Variants in CNTN5 observed in about 807,000 individuals in gnomAD.
CNTN5 encodes the protein contactin-5.
A neutral mutation model predicts 129.1 loss-of-function variants in CNTN5; 77 were observed. The observed-to-expected ratio is 0.60, with a 90% CI of 0.50 to 0.72. CNTN5 has a LOEUF of 0.72. Among genes scored for constraint, CNTN5 ranks in the 30% least tolerant of loss-of-function variants. CNTN5 has a pLI of 0.00. For synonymous variants in CNTN5, 509 were observed against 465.6 expected, an observed-to-expected ratio of 1.09 and a Z score of -1.20; for missense variants, 1,478 against 1,328.8, an observed-to-expected ratio of 1.11 and a Z score of -1.75.
At chr11:99,928,562 C>G (rs1950116719) in intron 7 of CNTN5, among the ~76,000 whole-genome samples, 1 of 152,188 alleles carries the variant, frequency 6.6e-6, no homozygotes. Flanking sequence ...GGGGCTTGCA[C>G]CCTCCGAAGC....
intron 6 of CNTN5, among the ~76,000 whole-genome samples, chr11:99,893,889 G>C (rs570941615): frequency 1.3e-5 from 2 of 151,882 alleles, no homozygotes; most frequent in Non-Finnish European, 2.9e-5. Flanking sequence ...AAATTATCTG[G>C]CTTTGCATAG....
At chr11:99,695,275 T>TATTC (rs765112273) in intron 3 of CNTN5, among the ~76,000 whole-genome samples, 19 of 151,964 alleles carry the variant, frequency 1.3e-4, no homozygotes, top group Non-Finnish European at 2.4e-4. Context: ...AAGAAAGATA[T>TATTC]ATTCATTTCT....
At chr11:100,247,002 T>A (rs1565369575) in intron 16 of CNTN5, among the ~76,000 whole-genome samples, 2 of 152,112 alleles carry the variant, frequency 1.3e-5, no homozygotes, top group African/African-American at 4.8e-5. Context: ...AGTAAAACAG[T>A]CACACAAATA....
At chr11:99,080,528 G>T (rs1210633080) in intron 1 of CNTN5, among the ~76,000 whole-genome samples, 3 of 152,146 alleles carry the variant, frequency 2.0e-5, no homozygotes, top group Non-Finnish European at 4.4e-5. Flanking sequence ...CCTATCAGCA[G>T]AAGAGAAGGG....
At chr11:99,835,821 T>C (rs1014635630) in intron 4 of CNTN5, among the ~76,000 whole-genome samples, 1 of 152,128 alleles carries the variant, frequency 6.6e-6, no homozygotes, top group African/African-American at 2.4e-5. Context: ...GGCCTGGAAA[T>C]ACATGCTAGC....
rs140921268 is a variant in CNTN5, at chr11:100,026,317, C to G, written c.980+24181C>G. Among the ~76,000 whole-genome samples, 334 of 152,078 alleles carry G rather than the reference C, an allele frequency of 2.2e-3. 1 individual carries two copies. Among genetic ancestry groups the G allele is most frequent in the African/African-American group, 7.8e-3 (324 of 41,486 alleles). ...GATAGTAAGTTTCCTGAAACCTCCC[C>G]AGCTTTGAGTCAATTAAACCACTTT... On this transcript the variant is annotated intron_variant, in intron 9 of 24. Transcript: ENST00000524871.
chr11:99,683,233 A>C (rs1319280612), intron 3 of CNTN5, among the ~76,000 whole-genome samples: 1 of 151,806 alleles, frequency 6.6e-6, no homozygotes, highest in African/African-American at 2.4e-5. Context: ...GCAGCTCATA[A>C]AGATATTGCC....
intron 8 of CNTN5, among the ~76,000 whole-genome samples, chr11:100,000,861 C>T (rs1247194169): frequency 6.6e-6 from 1 of 152,200 alleles, no homozygotes; most frequent in Non-Finnish European, 1.5e-5. Flanking sequence ...GGGGCTTGCA[C>T]CTCTGAAGCA....
At chr11:99,248,462 T>A (rs1010479601) in intron 1 of CNTN5, among the ~76,000 whole-genome samples, 4 of 152,104 alleles carry the variant, frequency 2.6e-5, no homozygotes, top group African/African-American at 7.2e-5. Flanking sequence ...AGCTCTTTAG[T>A]TTAATTAGAT....
chr11:99,674,310 T>TA (rs59325435), intron 3 of CNTN5, among the ~76,000 whole-genome samples: 17,037 of 151,652 alleles, frequency 0.11, 1,157 homozygotes, highest in East Asian at 0.3. Flanking sequence ...GGTTTTTTTT[T>TA]CTTGTAAACA....
intron 2 of CNTN5, among the ~76,000 whole-genome samples, chr11:99,479,335 C>G (rs1379069938): frequency 6.6e-6 from 1 of 151,362 alleles, no homozygotes; most frequent in South Asian, 2.1e-4. Context: ...AATTTTACTG[C>G]TATCCATTTA....
chr11:100,234,917 TTGCAATTGCCCCAATTC>T (rs1178578972), intron 16 of CNTN5, among the ~76,000 whole-genome samples: 1 of 152,086 alleles, frequency 6.6e-6, no homozygotes, highest in Non-Finnish European at 1.5e-5. Flanking sequence ...TTTAAATTTT[TTGCAATTGCCCCAATTC>T]TGGGGCAAAA....
intron 1 of CNTN5, among the ~76,000 whole-genome samples, chr11:99,277,726 T>C (rs993133658): frequency 7.9e-5 from 12 of 151,766 alleles, no homozygotes; most frequent in African/African-American, 2.7e-4. Context: ...CTTCTTTGAT[T>C]TGTATTTTAA....
intron 7 of CNTN5, among the ~76,000 whole-genome samples, chr11:99,933,881 C>T (rs1251280076): frequency 6.6e-6 from 1 of 152,162 alleles, no homozygotes; most frequent in African/African-American, 2.4e-5. Flanking sequence ...GTATATAAAT[C>T]TTCAAGTGAA....
At chr11:99,855,380 TAGAAAC>T (rs1422134380) in intron 6 of CNTN5, among the ~76,000 whole-genome samples, 1 of 152,136 alleles carries the variant, frequency 6.6e-6, no homozygotes, top group African/African-American at 2.4e-5. Context: ...TTCAGTATGA[TAGAAAC>T]AGAAATCATA....
In CNTN5 at chr11:100,290,808, G is replaced by C. The variant is rs1399699520; in HGVS notation, c.2315-6817G>C. ...TGCACAGCAAAAGAAACTACCATCA[G>C]AGTGAACAAGCAACCTACAAAATGG... is the stretch of plus-strand genomic sequence containing the variant. On this transcript the variant is annotated intron_variant, in intron 18 of 24. Coordinates refer to ENST00000524871, the MANE Select transcript of CNTN5 (RefSeq NM_014361.4). Among the ~76,000 whole-genome samples, 2 of 150,136 alleles carry C rather than the reference G, an allele frequency of 1.3e-5. 1 individual carries two copies.
intron 9 of CNTN5, among the ~76,000 whole-genome samples, chr11:100,028,033 G>A (rs1252544401): frequency 2.0e-5 from 3 of 152,016 alleles, no homozygotes; most frequent in African/African-American, 7.2e-5. Flanking sequence ...CCTGCATTTG[G>A]AATATTGCAT....
chr11:100,347,656 C>T (rs982499386), intron 23 of CNTN5, among the ~76,000 whole-genome samples: 5 of 152,070 alleles, frequency 3.3e-5, no homozygotes, highest in African/African-American at 4.8e-5. Flanking sequence ...TGTGTTCAGA[C>T]ACCCTGCAGG....
intron 6 of CNTN5, 79 bp from the exon 7 acceptor site, chr11:99,915,971 TAGAA>T (rs557779337): frequency 1.6e-3 from 1,734 of 1,072,260 alleles, no homozygotes; most frequent in Non-Finnish European, 2.1e-3. Context: ...AAGATAACGA[TAGAA>T]AGTAAGTACA....
Sources: allele counts gnomAD v4.1 joint callset (sites outside exome capture counted in the v4.1 genomes callset), GRCh38; gene constraint gnomAD v4.1.1; transcripts MANE v1.5; gene names NCBI Gene and HGNC (gene_info 2026-07-23, HGNC 2026-07-21).